PDCD11: variants seen among roughly 807,000 people sequenced by gnomAD.
PDCD11 encodes programmed cell death 11.
A neutral mutation model predicts 198.9 loss-of-function variants in PDCD11; 97 were observed. The ratio of observed to expected loss-of-function variants is 0.49; its 90% CI spans 0.41 to 0.58. The LOEUF (loss-of-function observed/expected upper bound fraction) is 0.58. Among genes scored for constraint, PDCD11 ranks in the 20% least tolerant of loss-of-function variants. The probability of loss-of-function intolerance (pLI) is 0.00; values close to 1 mark genes in which losing one functional copy is unlikely to be tolerated. For synonymous variants in PDCD11, 893 were observed against 918.0 expected (o/e 0.97, Z 0.49); for missense variants, 2,102 against 2,312.7 (o/e 0.91, Z 1.87).
intron 8 of PDCD11, among the ~76,000 whole-genome samples, chr10:103,412,743 C>T (rs1329471795): frequency 6.6e-6 from 1 of 152,128 alleles, no homozygotes; most frequent in Admixed American, 6.5e-5. Context: ...GGATTACAGG[C>T]GTGAGCCATG....
intron 8 of PDCD11, among the ~76,000 whole-genome samples, chr10:103,411,452 A>C (rs984360865): frequency 6.6e-6 from 1 of 152,100 alleles, no homozygotes; most frequent in Non-Finnish European, 1.5e-5. Context: ...TGCAACCTCA[A>C]CCTCCTGGGT....
At chr10:103,401,648 C>T in intron 3 of PDCD11, among the ~76,000 whole-genome samples, 1 of 152,170 alleles carries the variant, frequency 6.6e-6, no homozygotes. Context: ...TGAAGAGGAA[C>T]ATTCATATTT....
intron 21 of PDCD11, among the ~76,000 whole-genome samples, chr10:103,431,585 CTG>C (rs35165193): frequency 0.34 from 50,664 of 150,554 alleles, 8,941 homozygotes; most frequent in South Asian, 0.48. Flanking sequence ...AAGCAAGACT[CTG>C]TCTCAAAAAA....
chr10:103,414,827 T>G (rs1203377905), intron 11 of PDCD11, among the ~76,000 whole-genome samples, 178 bp from the exon 12 acceptor site: 1 of 152,226 alleles, frequency 6.6e-6, no homozygotes, highest in African/African-American at 2.4e-5. Context: ...TAAATAAAGC[T>G]GACAGAATAA....
intron 16 of PDCD11, 75 bp from the exon 17 acceptor site, chr10:103,421,272 CT>C: frequency 1.6e-6 from 2 of 1,215,064 alleles, no homozygotes; most frequent in Non-Finnish European, 2.4e-6. Context: ...TCACGTACCC[CT>C]TTCCAGGAAC....
At position 103,438,025 on chromosome 10, in the gene PDCD11, C is replaced by T. The variant is rs934859169; in HGVS notation, c.3856C>T (p.Leu1286=). Residue 1286 remains leucine, a synonymous_variant, in exon 26 of 36, where the codon CTG becomes TTG. Transcript: ENST00000369797. ...VPQKVVRCYI[L]STADNVLTLS... is the part of the protein sequence containing the mutation. ...TTTGCCTTCATTCAGATGTTACATC[C>T]TGTCCACTGCAGACAACGTATTGAC... The T allele has an allele frequency of 6.2e-7, 1 of 1,613,264 alleles. No homozygotes were observed. The highest frequency in any genetic ancestry group is 1.3e-5 in the African/African-American group (1 of 74,906).
intron 7 of PDCD11, among the ~76,000 whole-genome samples, chr10:103,408,455 A>T (rs767265111): frequency 4.6e-5 from 7 of 152,084 alleles, no homozygotes; most frequent in Non-Finnish European, 8.8e-5. Context: ...CCATATGATG[A>T]GTGAGGTACT....
At chr10:103,443,885 C>G in intron 33 of PDCD11, 30 bp from the exon 34 acceptor site, 1 of 1,610,012 alleles carries the variant, frequency 6.2e-7, no homozygotes, top group Non-Finnish European at 8.5e-7. Flanking sequence ...GTATCACACT[C>G]TCCTCAGCGT....
At position 103,434,868 on chromosome 10, in the gene PDCD11, G is replaced by T; in HGVS notation, c.3738G>T (p.Leu1246=). 6.2e-7 allele frequency: 1 copy of T among 1,613,044 alleles called. No homozygotes were observed. The highest frequency in any genetic ancestry group is 1.1e-5 in the South Asian group (1 of 90,874). Residue 1246 remains leucine (L), a synonymous_variant, in exon 25 of 36, where the codon CTG becomes CTT. Transcript: ENST00000369797. ...RVVKVTPNEG[L]TVSFPFGKIG... is the part of the protein sequence containing the mutation. ...TGAAGGTGACTCCCAACGAGGGGCT[G>T]ACCGTCTCCTTCCCCTTTGGGAAGA...
chr10:103,400,001 T>G (rs1315710744), intron 2 of PDCD11, among the ~76,000 whole-genome samples: 5 of 152,188 alleles, frequency 3.3e-5, no homozygotes, highest in African/African-American at 1.2e-4. Context: ...TTTATATAAT[T>G]TAGCTGAAAC....
At position 103,446,045 on chromosome 10, in the gene PDCD11, A is replaced by G. The variant is rs985664548; in HGVS notation, c.*496A>G. On this transcript the variant is annotated 3_prime_UTR_variant, in exon 36 of 36. Transcript: ENST00000369797. ...TACCTTCTGCCCTTTAGGGGAGGCT[A>G]TGAGTCTGGGACAGGAGGACAAATT... is the stretch of plus-strand genomic sequence containing the variant. 6.3e-6 allele frequency: 1 copy of G among 158,036 alleles called. No homozygotes were observed. 9.8% of individuals were successfully genotyped at this position (158,036 alleles called of 1,614,324 possible). A position where few individuals can be genotyped will look rare whatever the true frequency, so the allele number is the denominator to read the frequency against.
At chr10:103,443,438 A>T (rs1442673872) in intron 33 of PDCD11, 105 bp downstream of exon 33, 2 of 1,024,410 alleles carry the variant, frequency 2.0e-6, no homozygotes, top group Admixed American at 6.2e-5. Context: ...CTTGCCACCC[A>T]ACATCGGGGC....
chr10:103,398,313 C>G (rs1388145968), intron 1 of PDCD11, 103 bp from the exon 2 acceptor site: 25 of 720,510 alleles, frequency 3.5e-5, no homozygotes, highest in Non-Finnish European at 4.3e-5. Flanking sequence ...TGAATGTTGT[C>G]TAGCATATTG....
chr10:103,431,670 A>AG (rs1167068851), intron 21 of PDCD11, among the ~76,000 whole-genome samples: 1 of 152,070 alleles, frequency 6.6e-6, no homozygotes, highest in African/African-American at 2.4e-5. Context: ...TGCTAATGGA[A>AG]GGGTAGCATA....
chr10:103,439,686 C>T, intron 27 of PDCD11, 60 bp from the exon 28 acceptor site: 1 of 1,605,682 alleles, frequency 6.2e-7, no homozygotes, highest in East Asian at 2.2e-5. Flanking sequence ...AGTCCCGAGG[C>T]CTGGTTGGAA....
chr10:103,400,980 C>G (rs1213413538), intron 3 of PDCD11, among the ~76,000 whole-genome samples: 1 of 152,166 alleles, frequency 6.6e-6, no homozygotes, highest in East Asian at 1.9e-4. Flanking sequence ...GTCTCGAACT[C>G]CTGTGCTCAA....
rs771684855 is a variant in PDCD11 at position 103,440,817 on chromosome 10, AGAG to A, written c.4529_4531del (p.Glu1510del). On this transcript the variant is annotated inframe_deletion, in exon 30 of 36. Transcript: ENST00000369797. ...TGGACGTGTACTATCGGGAGGGAAA[AGAG>A]GAGGCAGAAGAGACGAATGTGCTGC... The A allele has an allele frequency of 6.2e-7, 1 of 1,613,744 alleles. No individual in the cohort carries two copies. The highest frequency in any genetic ancestry group is 1.1e-5 in the South Asian group (1 of 91,028).
rs777428955 is a variant in PDCD11, at chr10:103,405,190, G to A, written c.564+7G>A. ...GGCCCTGAAGCCTGGCATGGTAGGT[G>A]TCTAGGGTCGGGGAGGAAGAGTGGC... On this transcript the variant is annotated splice_region_variant and intron_variant, in intron 5 of 35. Coordinates refer to ENST00000369797, the MANE Select transcript of PDCD11 (RefSeq NM_014976.2). 1.9e-6 allele frequency: 3 copies of A among 1,612,662 alleles called. No individual in the cohort carries two copies. Among genetic ancestry groups the A allele is most frequent in the Non-Finnish European group, 1.7e-6 (2 of 1,179,692 alleles).
chr10:103,427,225 G>A (rs1456296272), intron 20 of PDCD11, 104 bp from the exon 21 acceptor site: 1 of 937,162 alleles, frequency 1.1e-6, no homozygotes, highest in East Asian at 2.4e-5. Context: ...GGAACAGGGT[G>A]CTTTTGTGAG....
Sources: gnomAD v4.1 joint callset for allele counts (sites outside exome capture counted in the v4.1 genomes callset) on GRCh38, gnomAD v4.1.1 for gene constraint, MANE v1.5 for transcripts, NCBI Gene and HGNC (gene_info 2026-07-23, HGNC 2026-07-21) for gene names.